Variants in LRP6 observed in about 807,000 individuals in gnomAD.
The protein encoded by LRP6 is low-density lipoprotein receptor-related protein 6.
LRP6 carries 43 observed loss-of-function variants against 184.1 expected under a neutral mutation model. That is an observed-to-expected ratio of 0.23 (90% CI 0.18 to 0.30). The LOEUF (loss-of-function observed/expected upper bound fraction) is 0.30. LRP6 is among the 10% of genes least tolerant of loss of function. The pLI, the probability that LRP6 is intolerant of heterozygous loss-of-function variation, is 1.00. For missense variants in LRP6, 1,571 were observed against 2,005.3 expected (o/e 0.78, Z 4.14); for synonymous variants, 719 against 684.9 (o/e 1.05, Z -0.78).
chr12:12,143,497 T>C (rs973093251), intron 15 of LRP6, among the ~76,000 whole-genome samples: 30 of 152,022 alleles, frequency 2.0e-4, no homozygotes, highest in Non-Finnish European at 2.2e-4. Flanking sequence ...GATGAATCTA[T>C]TGCAGTTATA....
At chr12:12,248,471 CTTTTTTTTTTTTTTTT>C (rs71061030) in intron 1 of LRP6, among the ~76,000 whole-genome samples, 1 of 62,758 alleles carries the variant, frequency 1.6e-5, no homozygotes, top group Non-Finnish European at 2.9e-5. Flanking sequence ...AGTCTTTACT[CTTTTTTTTTTTTTTTT>C]TTTTTTTTTT....
intron 1 of LRP6, among the ~76,000 whole-genome samples, chr12:12,250,542 C>G (rs1296762328): frequency 6.6e-6 from 1 of 151,946 alleles, no homozygotes; most frequent in Non-Finnish European, 1.5e-5. Context: ...GAAACAAGAA[C>G]CATACCTTAT....
chr12:12,155,831 A>G (rs1477462335), intron 12 of LRP6: 2 of 677,088 alleles, frequency 3.0e-6, no homozygotes, highest in Non-Finnish European at 5.3e-6. Flanking sequence ...AGGTTAAATA[A>G]TTTTCCCAAG....
intron 2 of LRP6, among the ~76,000 whole-genome samples, chr12:12,231,441 G>A (rs896417885): frequency 5.9e-5 from 9 of 152,078 alleles, no homozygotes; most frequent in African/African-American, 1.9e-4. Context: ...CTCTGAAAAG[G>A]TAGGAAAGAT....
chr12:12,234,498 G>C (rs1031385057), intron 2 of LRP6, among the ~76,000 whole-genome samples: 2 of 151,774 alleles, frequency 1.3e-5, no homozygotes, highest in Non-Finnish European at 2.9e-5. Context: ...AGCATCTACT[G>C]TATGTTACTC....
At chr12:12,258,286 T>G (rs1865521574) in intron 1 of LRP6, among the ~76,000 whole-genome samples, 1 of 152,098 alleles carries the variant, frequency 6.6e-6, no homozygotes, top group South Asian at 2.1e-4. Flanking sequence ...CCAGATAATT[T>G]TTTAATTTTT....
At chr12:12,123,896 AG>A (rs1949636776) in intron 22 of LRP6, among the ~76,000 whole-genome samples, 1 of 152,170 alleles carries the variant, frequency 6.6e-6, no homozygotes, top group Admixed American at 6.5e-5. Context: ...CTGTGCTCTG[AG>A]TATGTTGCTG....
intron 1 of LRP6, among the ~76,000 whole-genome samples, chr12:12,261,147 G>A (rs906905585): frequency 1.9e-4 from 29 of 152,150 alleles, no homozygotes; most frequent in African/African-American, 6.5e-4. Context: ...ATGGCCGGGC[G>A]CGGTGGCTCA....
Position 12,119,991 on chromosome 12 carries a change from A to C in LRP6, c.*1135T>G, listed in dbSNP as rs1402291282. On this transcript the variant is annotated 3_prime_UTR_variant, in exon 23 of 23. Transcript: ENST00000261349. ...CTCAGAAAACAAACAAACAAACAAA[A>C]TATATATATATATATATATATATAT... 1.9e-3 allele frequency: 6 copies of C among 3,230 alleles called. No homozygotes were observed. The highest frequency in any genetic ancestry group is 4.8e-3 in the Non-Finnish European group (6 of 1,254). 0.2% of individuals were successfully genotyped at this position (3,230 alleles called of 1,614,324 possible). A position where few individuals can be genotyped will look rare whatever the true frequency, so the allele number is the denominator to read the frequency against.
At chr12:12,178,746 T>C (rs77561153) in intron 7 of LRP6, among the ~76,000 whole-genome samples, 4 of 152,180 alleles carry the variant, frequency 2.6e-5, no homozygotes, top group Non-Finnish European at 5.9e-5. Context: ...ATGGAGTCTA[T>C]GCAAAATTTT....
At chr12:12,163,606 C>G (rs1200352586) in intron 9 of LRP6, among the ~76,000 whole-genome samples, 1 of 152,094 alleles carries the variant, frequency 6.6e-6, no homozygotes, top group Non-Finnish European at 1.5e-5. Flanking sequence ...CAGTCAGGCC[C>G]TAAAATTTTG....
At chr12:12,164,630 T>G in intron 8 of LRP6, 68 bp from the exon 9 acceptor site, 3 of 1,480,140 alleles carry the variant, frequency 2.0e-6, no homozygotes, top group Non-Finnish European at 2.8e-6. Context: ...TATTTTCACT[T>G]TTAAATTACT....
chr12:12,256,310 G>A (rs180685899), intron 1 of LRP6, among the ~76,000 whole-genome samples: 1 of 152,322 alleles, frequency 6.6e-6, no homozygotes, highest in Non-Finnish European at 1.5e-5. Flanking sequence ...TGTAATCCCA[G>A]CACTCTGGGA....
At chr12:12,188,308 T>C (rs1214790321) in intron 3 of LRP6, among the ~76,000 whole-genome samples, 1 of 152,124 alleles carries the variant, frequency 6.6e-6, no homozygotes, top group African/African-American at 2.4e-5. Context: ...AATACATGTT[T>C]TGATATTTTC....
intron 2 of LRP6, among the ~76,000 whole-genome samples, chr12:12,207,712 G>A (rs1864103592): frequency 6.6e-6 from 1 of 152,118 alleles, no homozygotes; most frequent in Non-Finnish European, 1.5e-5. Context: ...CAGGAAGGCT[G>A]TCTGCATGTG....
intron 15 of LRP6, 111 bp from the exon 16 acceptor site, chr12:12,138,645 A>G: frequency 1.5e-6 from 2 of 1,311,974 alleles, no homozygotes; most frequent in Non-Finnish European, 2.1e-6. Context: ...AAGAAAAAAA[A>G]AACAAGATCT....
intron 3 of LRP6, among the ~76,000 whole-genome samples, chr12:12,198,154 C>T (rs1160469354): frequency 2.6e-5 from 4 of 152,158 alleles, no homozygotes; most frequent in Admixed American, 6.5e-5. Context: ...TGACTTCAGG[C>T]GATCCACCCA....
Position 12,203,193 on chromosome 12 carries a change from G to T in LRP6, c.647+10C>A. 1 of 1,586,610 alleles carries T rather than the reference G, an allele frequency of 6.3e-7. No homozygotes were observed. ...TTCTTAAAAGTTTTTTCTAATTCTT[G>T]TAATCTTACCGATTTGTTCCATCCA... On this transcript the variant is annotated intron_variant, in intron 3 of 22. Coordinates refer to ENST00000261349, the MANE Select transcript of LRP6 (RefSeq NM_002336.3).
rs1046531114 is a variant in LRP6, at chr12:12,150,937, G to T, written c.2893C>A (p.Arg965=). The T allele has an allele frequency of 1.2e-6, 2 of 1,614,004 alleles. No individual in the cohort carries two copies. The highest frequency in any genetic ancestry group is 2.7e-5 in the African/African-American group (2 of 74,924). The change falls in exon 13 of 23, where the codon CGG becomes AGG. Residue 965 remains arginine, a synonymous_variant. Transcript: ENST00000261349. ...TCATAGTCAATGGCCCGGACATTCC[G>T]AAGGCTGTGGATGGGAAGGATGATG... is the stretch of plus-strand genomic sequence containing the variant. The part of the protein sequence containing the change: ...PDIILPIHSL[R]NVRAIDYDPL...
Sources: allele counts gnomAD v4.1 joint callset (sites outside exome capture counted in the v4.1 genomes callset), GRCh38; gene constraint gnomAD v4.1.1; transcripts MANE v1.5; gene names NCBI Gene and HGNC (gene_info 2026-07-23, HGNC 2026-07-21).